The following UTRN variants were observed in gnomAD, a reference collection of about 807,000 sequenced individuals.
UTRN encodes utrophin.
A neutral mutation model predicts 463.9 loss-of-function variants in UTRN; 283 were observed. The observed-to-expected ratio is 0.61, with a 90% CI of 0.55 to 0.67. The LOEUF is 0.67. Ranked by LOEUF, UTRN falls within the 30% of genes least tolerant of loss-of-function variation. UTRN has a pLI of 0.00. For missense variants in UTRN, 3,922 were observed against 4,084.3 expected (o/e 0.96, Z 1.08); for synonymous variants, 1,442 against 1,431.5 (o/e 1.01, Z -0.17).
intron 2 of UTRN, among the ~76,000 whole-genome samples, chr6:144,363,370 G>A (rs776146217): frequency 2.0e-5 from 3 of 152,200 alleles, no homozygotes; most frequent in East Asian, 1.9e-4. Flanking sequence ...CGCACAGAGA[G>A]CTTGGTTTTC....
At chr6:144,436,691 A>G (rs1786564849) in intron 10 of UTRN, among the ~76,000 whole-genome samples, 1 of 149,628 alleles carries the variant, frequency 6.7e-6, no homozygotes, top group Admixed American at 6.7e-5. Flanking sequence ...TTTTGGATAG[A>G]AAATAATATA....
At chr6:144,791,754 T>C (rs911221328) in intron 62 of UTRN, among the ~76,000 whole-genome samples, 3 of 152,188 alleles carry the variant, frequency 2.0e-5, no homozygotes, top group African/African-American at 7.2e-5. Flanking sequence ...TAGGAACTTT[T>C]ATAAGGATTT....
At chr6:144,660,228 A>T (rs1482593703) in intron 51 of UTRN, 1 of 471,102 alleles carries the variant, frequency 2.1e-6, no homozygotes, top group Non-Finnish European at 4.4e-6. Context: ...CTGGACAATG[A>T]TTGGTCTGAA....
chr6:144,765,201 C>T (rs1269112688), intron 58 of UTRN, among the ~76,000 whole-genome samples: 5 of 152,178 alleles, frequency 3.3e-5, no homozygotes, highest in Admixed American at 6.5e-5. Context: ...TCCCCTCGCA[C>T]GTAGACACAT....
chr6:144,585,331 T>A (rs1238404455), intron 51 of UTRN, among the ~76,000 whole-genome samples: 2 of 152,162 alleles, frequency 1.3e-5, no homozygotes, highest in Non-Finnish European at 2.9e-5. Flanking sequence ...TGAAATACTA[T>A]CTTCCACGTA....
At chr6:144,434,953 T>C (rs1426026689) in intron 9 of UTRN, among the ~76,000 whole-genome samples, 2 of 152,178 alleles carry the variant, frequency 1.3e-5, no homozygotes, top group African/African-American at 4.8e-5. Flanking sequence ...AAAAATACTC[T>C]AGTTTGTTGG....
chr6:144,805,535 G>A (rs1216480008), intron 65 of UTRN, among the ~76,000 whole-genome samples: 2 of 152,188 alleles, frequency 1.3e-5, no homozygotes, highest in East Asian at 3.8e-4. Context: ...AAAAAGGTTA[G>A]CGTGATTGGG....
intron 63 of UTRN, 108 bp downstream of exon 63, chr6:144,794,099 T>C: frequency 7.0e-7 from 1 of 1,437,830 alleles, no homozygotes; most frequent in Admixed American, 2.3e-5. Flanking sequence ...CTGGAAGACT[T>C]TGGGTACCAT....
At chr6:144,458,177 A>G (rs1018948396) in intron 19 of UTRN, among the ~76,000 whole-genome samples, 1 of 152,004 alleles carries the variant, frequency 6.6e-6, no homozygotes, top group Non-Finnish European at 1.5e-5. Context: ...GTCTTTTGGT[A>G]TTTGCTTATT....
chr6:144,308,065 G>A (rs1226912852), intron 2 of UTRN, among the ~76,000 whole-genome samples: 3 of 151,992 alleles, frequency 2.0e-5, no homozygotes, highest in African/African-American at 7.3e-5. Flanking sequence ...TCCTGCCATC[G>A]GATTGCATCA....
At chr6:144,724,222 CTTTTTTT>C (rs34507977) in intron 53 of UTRN, among the ~76,000 whole-genome samples, 7 of 78,112 alleles carry the variant, frequency 9.0e-5, no homozygotes, top group African/African-American at 4.0e-4. Context: ...AGATTCATAA[CTTTTTTT>C]TTTTTTTTTT....
intron 53 of UTRN, among the ~76,000 whole-genome samples, chr6:144,729,528 A>G (rs1205376437): frequency 6.6e-6 from 1 of 152,226 alleles, no homozygotes; most frequent in African/African-American, 2.4e-5. Context: ...TAGAGCCAGT[A>G]GGTGGTTATG....
At chr6:144,560,591 T>C (rs544408010) in intron 50 of UTRN, among the ~76,000 whole-genome samples, 2 of 152,146 alleles carry the variant, frequency 1.3e-5, no homozygotes, top group Non-Finnish European at 2.9e-5. Context: ...GCACATGGAA[T>C]ACTGTGCAGC....
At chr6:144,816,602 A>T (rs1231499927) in intron 65 of UTRN, among the ~76,000 whole-genome samples, 2 of 151,670 alleles carry the variant, frequency 1.3e-5, no homozygotes, top group Non-Finnish European at 2.9e-5. Context: ...TTTTTATTTT[A>T]TTTTTATTCC....
chr6:144,732,946 T>C (rs575792598), intron 54 of UTRN, among the ~76,000 whole-genome samples: 160 of 152,258 alleles, frequency 1.1e-3, no homozygotes, highest in African/African-American at 3.8e-3. Flanking sequence ...CAAGCCATCT[T>C]CCCATTTTGG....
At chr6:144,752,547 C>A (rs974054022) in intron 56 of UTRN, among the ~76,000 whole-genome samples, 1 of 151,926 alleles carries the variant, frequency 6.6e-6, no homozygotes, top group Non-Finnish European at 1.5e-5. Context: ...TGAATTAATT[C>A]AAATATCAAA....
chr6:144,293,917 T>G (rs1804464863), intron 2 of UTRN, among the ~76,000 whole-genome samples: 1 of 151,966 alleles, frequency 6.6e-6, no homozygotes, highest in South Asian at 2.1e-4. Flanking sequence ...TGTGTGTGTG[T>G]ATGAATATAG....
intron 51 of UTRN, among the ~76,000 whole-genome samples, chr6:144,664,096 A>G (rs1780151631): frequency 1.3e-5 from 2 of 152,238 alleles, no homozygotes; most frequent in Non-Finnish European, 2.9e-5. Context: ...GATAGCCCTA[A>G]TCTCAGTACT....
At chr6:144,472,172 C>T (rs1409998410) in intron 23 of UTRN, among the ~76,000 whole-genome samples, 1 of 152,156 alleles carries the variant, frequency 6.6e-6, no homozygotes, top group Admixed American at 6.5e-5. Context: ...GATGTCAGTT[C>T]CTAGCCAAAC....
Sources: gnomAD v4.1 joint callset for allele counts (sites outside exome capture counted in the v4.1 genomes callset) on GRCh38, gnomAD v4.1.1 for gene constraint, MANE v1.5 for transcripts, NCBI Gene and HGNC (gene_info 2026-07-23, HGNC 2026-07-21) for gene names.